KIF16B: variants seen among roughly 807,000 people sequenced by gnomAD.
KIF16B encodes the protein kinesin-like protein KIF16B.
A neutral mutation model predicts 156.3 loss-of-function variants in KIF16B; 98 were observed. That is an observed-to-expected ratio of 0.63 (90% CI 0.53 to 0.74). The LOEUF is 0.74. KIF16B is among the 30% of genes least tolerant of loss of function. KIF16B has a pLI of 0.00. For synonymous variants in KIF16B, 564 were observed against 583.7 expected (o/e 0.97, Z 0.49); for missense variants, 1,421 against 1,606.5 (o/e 0.88, Z 1.97).
chr20:16,555,886 G>T (rs1600691633), intron 1 of KIF16B, among the ~76,000 whole-genome samples: 1 of 152,188 alleles, frequency 6.6e-6, no homozygotes, highest in African/African-American at 2.4e-5. Context: ...AGGAGGAATG[G>T]ATTATTTCTA....
chr20:16,274,668 T>C (rs973566556), intron 25 of KIF16B, among the ~76,000 whole-genome samples: 2 of 152,220 alleles, frequency 1.3e-5, no homozygotes, highest in Non-Finnish European at 2.9e-5. Flanking sequence ...GGAGCAGTAG[T>C]TCCCAACAAG....
intron 22 of KIF16B, 39 bp from the exon 23 acceptor site, chr20:16,356,491 C>T (rs760740648): frequency 2.0e-5 from 32 of 1,611,546 alleles, no homozygotes; most frequent in Non-Finnish European, 2.3e-5. Context: ...CAAAGAGAAA[C>T]CAGAATCACT....
chr20:16,383,223 C>G (rs1005644066), intron 17 of KIF16B, among the ~76,000 whole-genome samples: 7 of 152,120 alleles, frequency 4.6e-5, no homozygotes, highest in African/African-American at 1.4e-4. Flanking sequence ...TCTGTCCACC[C>G]AGCAAATTCT....
chr20:16,492,175 CTG>C (rs1487928592), intron 12 of KIF16B, among the ~76,000 whole-genome samples: 6 of 152,134 alleles, frequency 3.9e-5, no homozygotes, highest in African/African-American at 1.4e-4. Flanking sequence ...CAATGACTGA[CTG>C]ATGTAAAACG....
Position 16,276,042 on chromosome 20 carries a change from T to C in KIF16B, c.3796-2631A>G, listed in dbSNP as rs193286758. 9.8e-4 allele frequency among the ~76,000 whole-genome samples: 149 copies of C among 152,358 alleles called. 1 individual carries two copies. Among genetic ancestry groups the C allele is most frequent in the Non-Finnish European group, 1.4e-3 (94 of 68,034 alleles). On this transcript the variant is annotated intron_variant, in intron 25 of 25. Coordinates refer to ENST00000354981, the MANE Select transcript of KIF16B (RefSeq NM_024704.5). The stretch of plus-strand genomic sequence containing the variant: ...TAATGCATGATAGAGCAAGGCTCGC[T>C]GCACAGGCCTCATCTCAGGTAGCTC...
At chr20:16,528,322 A>G in intron 2 of KIF16B, 49 bp downstream of exon 2, 3 of 1,388,442 alleles carry the variant, frequency 2.2e-6, no homozygotes, top group Non-Finnish European at 3.1e-6. Flanking sequence ...CCCACAGTAA[A>G]GCAATCATGG....
At chr20:16,381,842 T>A in intron 17 of KIF16B, 95 bp from the exon 18 acceptor site, 1 of 1,029,034 alleles carries the variant, frequency 9.7e-7, no homozygotes, top group Non-Finnish European at 1.4e-6. Context: ...AAAAAGGGCA[T>A]CAGTTTTTCA....
intron 12 of KIF16B, among the ~76,000 whole-genome samples, chr20:16,448,774 C>T (rs1452711380): frequency 6.6e-6 from 1 of 152,008 alleles, no homozygotes; most frequent in African/African-American, 2.4e-5. Context: ...AAGGGAACAG[C>T]ATATTCAAGA....
At chr20:16,292,994 C>T (rs565343883) in intron 25 of KIF16B, among the ~76,000 whole-genome samples, 12 of 152,040 alleles carry the variant, frequency 7.9e-5, no homozygotes, top group Non-Finnish European at 8.8e-5. Flanking sequence ...CAGAGATAGA[C>T]GAGACAGAAA....
intron 15 of KIF16B, among the ~76,000 whole-genome samples, chr20:16,419,675 C>T (rs1415800626): frequency 6.6e-6 from 1 of 151,964 alleles, no homozygotes; most frequent in Non-Finnish European, 1.5e-5. Flanking sequence ...CAAAGGAGTC[C>T]ACTTATGTGA....
In KIF16B at chr20:16,371,687, C is replaced by G. The variant is rs1408548112; in HGVS notation, c.3425G>C (p.Ser1142Thr). The G allele has an allele frequency of 6.2e-7, 1 of 1,612,628 alleles. No individual in the cohort carries two copies. The highest frequency in any genetic ancestry group is 8.5e-7 in the Non-Finnish European group (1 of 1,178,860). ...TACCTTCATCGTGTCTGCAGATGTA[C>G]TGCAGCCTTCACTAATCACACGATG... Reference protein sequence around the residue: ...DLHRVISEGCSTSADTMKDNE... With the variant: ...DLHRVISEGCTTSADTMKDNE... Residue 1142 changes from serine to threonine, a missense_variant, in exon 21 of 26, where the codon AGT becomes ACT. Transcript: ENST00000354981.
At chr20:16,419,770 G>A (rs193256606) in intron 15 of KIF16B, among the ~76,000 whole-genome samples, 8 of 152,164 alleles carry the variant, frequency 5.3e-5, no homozygotes, top group Admixed American at 1.3e-4. Context: ...TAAAATAAGA[G>A]AGAATAGCTC....
At chr20:16,564,663 TAA>T (rs11478455) in intron 1 of KIF16B, among the ~76,000 whole-genome samples, 1,795 of 137,856 alleles carry the variant, frequency 0.013, 38 homozygotes, top group African/African-American at 0.044. Context: ...TAAAGTATAA[TAA>T]AAAAAAAAAA....
intron 15 of KIF16B, among the ~76,000 whole-genome samples, chr20:16,423,441 A>T (rs180965029): frequency 6.6e-6 from 1 of 152,156 alleles, no homozygotes; most frequent in Non-Finnish European, 1.5e-5. Context: ...AGCACTTACA[A>T]GGAGTTATGT....
At chr20:16,404,412 T>C (rs1271957637) in intron 17 of KIF16B, among the ~76,000 whole-genome samples, 3 of 152,286 alleles carry the variant, frequency 2.0e-5, no homozygotes, top group East Asian at 3.9e-4. Context: ...TCCTGCTCCA[T>C]TGGATGGCCT....
intron 7 of KIF16B, among the ~76,000 whole-genome samples, chr20:16,507,066 C>T (rs1048568973): frequency 2.7e-4 from 41 of 150,390 alleles, no homozygotes; most frequent in Non-Finnish European, 4.9e-4. Context: ...CACCACTGCA[C>T]TCCAGCCTGG....
intron 1 of KIF16B, among the ~76,000 whole-genome samples, chr20:16,547,813 C>T (rs2070472834): frequency 6.6e-6 from 1 of 152,204 alleles, no homozygotes. Flanking sequence ...CCATGGTCCA[C>T]GGCATGCTGC....
intron 15 of KIF16B, among the ~76,000 whole-genome samples, chr20:16,409,595 G>A (rs2065869085): frequency 6.6e-6 from 1 of 152,030 alleles, no homozygotes; most frequent in Admixed American, 6.6e-5. Context: ...AGTGGTCCAG[G>A]TAAGTGATGA....
chr20:16,552,805 A>C (rs984348814), intron 1 of KIF16B, among the ~76,000 whole-genome samples: 2 of 151,350 alleles, frequency 1.3e-5, no homozygotes, highest in Admixed American at 1.3e-4. Flanking sequence ...TTAATTTATT[A>C]TTTTTTTTTA....
Sources: allele counts gnomAD v4.1 joint callset (sites outside exome capture counted in the v4.1 genomes callset), GRCh38; gene constraint gnomAD v4.1.1; transcripts MANE v1.5; gene names NCBI Gene and HGNC (gene_info 2026-07-23, HGNC 2026-07-21).